GRK4: variants seen among roughly 807,000 people sequenced by gnomAD.
GRK4 encodes the protein G protein-coupled receptor kinase 4.
GRK4 carries 73 observed loss-of-function variants against 77.9 expected under a neutral mutation model. That is an observed-to-expected ratio of 0.94 (90% CI 0.78 to 1.14). The LOEUF (loss-of-function observed/expected upper bound fraction) is 1.14, where lower values mean the gene tolerates loss of function less well. Ranked by LOEUF, GRK4 falls within the 50% of genes most tolerant of loss-of-function variation. The pLI is 0.00. For missense variants in GRK4, 729 were observed against 700.2 expected, an observed-to-expected ratio of 1.04 and a Z score of -0.46; for synonymous variants, 257 against 254.4, an observed-to-expected ratio of 1.01 and a Z score of -0.10.
At chr4:3,018,742 G>A (rs563009284) in intron 8 of GRK4, among the ~76,000 whole-genome samples, 53 of 152,254 alleles carry the variant, frequency 3.5e-4, no homozygotes, top group African/African-American at 1.1e-3. Context: ...GCCGGGCGTG[G>A]TGACAGGTGC....
At chr4:2,964,420 C>T (rs951989986) in intron 1 of GRK4, among the ~76,000 whole-genome samples, 1 of 152,000 alleles carries the variant, frequency 6.6e-6, no homozygotes, top group African/African-American at 2.4e-5. Context: ...GGTGTGACCT[C>T]GGTGACAGTG....
chr4:3,040,530 T>C (rs1161340205), intron 15 of GRK4, 42 bp from the exon 16 acceptor site: 11 of 1,567,962 alleles, frequency 7.0e-6, no homozygotes, highest in Non-Finnish European at 9.6e-6. Context: ...AGTGAAACCT[T>C]CGCATCAGCC....
chr4:2,992,618 G>A (rs1320402245), intron 4 of GRK4, among the ~76,000 whole-genome samples: 1 of 152,064 alleles, frequency 6.6e-6, no homozygotes, highest in African/African-American at 2.4e-5. Flanking sequence ...GGAGATTGAG[G>A]TGGCTGTGAG....
chr4:2,964,115 G>A lies in GRK4; in HGVS notation c.45G>A (p.Ala15=). 6.2e-7 allele frequency: 1 copy of A among 1,604,370 alleles called. No homozygotes were observed. The highest frequency in any genetic ancestry group is 8.5e-7 in the Non-Finnish European group (1 of 1,177,644). The change falls in exon 1 of 16, where the codon GCG becomes GCA. Residue 15 remains alanine (A), a synonymous_variant. Transcript: ENST00000398052. ...TGGCCAACTCGCTGCTGCTGAAAGCGCGTCAAGGTGGGTGCGCGGCAGGCG... is the reference window on the plus strand; with the variant it reads ...TGGCCAACTCGCTGCTGCTGAAAGCACGTCAAGGTGGGTGCGCGGCAGGCG... The part of the protein sequence containing the change: ...NIVANSLLLK[A]RQGGYGKKSG...
chr4:2,968,817 G>A (rs1319418319), intron 1 of GRK4, among the ~76,000 whole-genome samples: 2 of 152,060 alleles, frequency 1.3e-5, no homozygotes, highest in African/African-American at 4.8e-5. Context: ...AGGTCTCCAC[G>A]GTCACTCCTG....
At chr4:2,981,618 G>A (rs1722894238) in intron 1 of GRK4, among the ~76,000 whole-genome samples, 1 of 152,212 alleles carries the variant, frequency 6.6e-6, no homozygotes, top group South Asian at 2.1e-4. Flanking sequence ...GCTGAGTCTG[G>A]GGTTTTTATA....
intron 8 of GRK4, among the ~76,000 whole-genome samples, chr4:3,018,088 T>C (rs1462521827): frequency 2.0e-5 from 3 of 150,628 alleles, no homozygotes; most frequent in South Asian, 2.1e-4. Context: ...TTTTTTTTTT[T>C]AGATAGAGAT....
At chr4:3,028,798 G>C (rs1738329912) in intron 11 of GRK4, among the ~76,000 whole-genome samples, 1 of 148,820 alleles carries the variant, frequency 6.7e-6, no homozygotes, top group African/African-American at 2.5e-5. Flanking sequence ...TTGAGACAGA[G>C]TCTCACTCAG....
At chr4:3,021,387 G>A (rs115480238) in intron 9 of GRK4, among the ~76,000 whole-genome samples, 1,775 of 152,268 alleles carry the variant, frequency 0.012, 41 homozygotes, top group African/African-American at 0.04. Context: ...ACTGCTCCCC[G>A]TGTTGTCTGC....
chr4:3,011,142 G>A (rs762508367), intron 7 of GRK4, among the ~76,000 whole-genome samples: 2 of 152,146 alleles, frequency 1.3e-5, no homozygotes, highest in Non-Finnish European at 2.9e-5. Context: ...CTCAGATTTT[G>A]TGAAAGAACA....
intron 12 of GRK4, among the ~76,000 whole-genome samples, chr4:3,031,235 G>T (rs1435887901): frequency 1.3e-5 from 2 of 152,156 alleles, no homozygotes; most frequent in Non-Finnish European, 1.5e-5. Flanking sequence ...AGCACAGCTG[G>T]GGAGACGTGA....
intron 6 of GRK4, 103 bp downstream of exon 6, chr4:3,007,931 A>T (rs939248543): frequency 1.3e-6 from 1 of 747,600 alleles, no homozygotes; most frequent in South Asian, 1.9e-5. Context: ...TAAGCCCAAG[A>T]CTTCAAGGCT....
At chr4:2,972,922 A>G (rs552359414) in intron 1 of GRK4, among the ~76,000 whole-genome samples, 1 of 152,102 alleles carries the variant, frequency 6.6e-6, no homozygotes, top group African/African-American at 2.4e-5. Flanking sequence ...TTTTGTAGAG[A>G]TGGGGTTTCA....
At chr4:3,000,183 C>G (rs1229830290) in intron 4 of GRK4, among the ~76,000 whole-genome samples, 1 of 152,156 alleles carries the variant, frequency 6.6e-6, no homozygotes, top group African/African-American at 2.4e-5. Flanking sequence ...AGTTCTGCAT[C>G]AGGCTGGTAG....
chr4:3,017,569 G>A (rs1034519126), intron 8 of GRK4, among the ~76,000 whole-genome samples: 1 of 152,204 alleles, frequency 6.6e-6, no homozygotes, highest in Non-Finnish European at 1.5e-5. Flanking sequence ...TCAAGGGCCA[G>A]TGAGAATTCC....
intron 2 of GRK4, chr4:2,985,708 G>A (rs375312517): frequency 9.5e-6 from 3 of 314,792 alleles, no homozygotes; most frequent in East Asian, 2.8e-4. Flanking sequence ...TAAGGAGTCA[G>A]ATACAGAAGG....
intron 1 of GRK4, among the ~76,000 whole-genome samples, chr4:2,983,211 T>G (rs1723333383): frequency 6.6e-6 from 1 of 152,232 alleles, no homozygotes; most frequent in Non-Finnish European, 1.5e-5. Context: ...CTTCCAAATG[T>G]CTGTCTCTTA....
chr4:3,024,382 C>T (rs1736862702), intron 10 of GRK4, among the ~76,000 whole-genome samples: 1 of 152,310 alleles, frequency 6.6e-6, no homozygotes, highest in African/African-American at 2.4e-5. Context: ...CCTGCCTCAG[C>T]CTCCCACGTA....
intron 10 of GRK4, among the ~76,000 whole-genome samples, chr4:3,022,695 CT>C (rs796534694): frequency 5.9e-5 from 9 of 151,266 alleles, no homozygotes; most frequent in Admixed American, 5.3e-4. Context: ...TTTTAGAAGC[CT>C]TTTTTTTTAA....
Sources: gnomAD v4.1 joint callset for allele counts (sites outside exome capture counted in the v4.1 genomes callset) on GRCh38, gnomAD v4.1.1 for gene constraint, MANE v1.5 for transcripts, NCBI Gene and HGNC (gene_info 2026-07-23, HGNC 2026-07-21) for gene names.